The following KAT6A variants were observed in gnomAD, a reference collection of about 807,000 sequenced individuals.
KAT6A encodes histone acetyltransferase KAT6A.
Under a neutral mutation model 198.4 loss-of-function variants are expected in KAT6A, and 9 were observed. The observed-to-expected ratio is 0.05, with a 90% CI of 0.03 to 0.08. KAT6A has a LOEUF of 0.08. Ranked by LOEUF, KAT6A falls within the 10% of genes least tolerant of loss-of-function variation. KAT6A has a pLI of 1.00. For missense variants in KAT6A, 2,077 were observed against 2,509.9 expected, an observed-to-expected ratio of 0.83 and a Z score of 3.69; for synonymous variants, 890 against 883.0, an observed-to-expected ratio of 1.01 and a Z score of -0.14.
intron 15 of KAT6A, among the ~76,000 whole-genome samples, chr8:41,940,175 C>T (rs1587717769): frequency 6.6e-6 from 1 of 152,248 alleles, no homozygotes; most frequent in African/African-American, 2.4e-5. Flanking sequence ...TTAAAATCCA[C>T]TCCATAGCCT....
chr8:42,045,875 C>T (rs574200158), intron 2 of KAT6A, among the ~76,000 whole-genome samples: 1 of 151,092 alleles, frequency 6.6e-6, no homozygotes, highest in African/African-American at 2.4e-5. Flanking sequence ...ATCCCAGCTA[C>T]TCAGGAGGTT....
intron 12 of KAT6A, 61 bp from the exon 13 acceptor site, chr8:41,944,040 A>C: frequency 9.1e-7 from 1 of 1,101,058 alleles, no homozygotes; most frequent in Non-Finnish European, 1.4e-6. Flanking sequence ...AACTGGATTC[A>C]CCAAAATAAC....
Position 41,931,271 on chromosome 8 carries a change from G to C in KAT6A, c.*934C>G, listed in dbSNP as rs934589356. On this transcript the variant is annotated 3_prime_UTR_variant, in exon 17 of 17. Transcript: ENST00000265713. ...TACTAGAAACAAGAGGCTGGGTGGC[G>C]TGTGTGTGCGTTATGGCTGATTCAC... 6 of 219,680 alleles carry C rather than the reference G, an allele frequency of 2.7e-5. No homozygotes were observed. The highest frequency in any genetic ancestry group is 6.7e-5 in the African/African-American group (3 of 44,482). 13.6% of individuals were successfully genotyped at this position (219,680 alleles called of 1,614,324 possible). A position where few individuals can be genotyped will look rare whatever the true frequency, so the allele number is the denominator to read the frequency against.
chr8:41,985,806 T>C (rs1351127993), intron 3 of KAT6A, among the ~76,000 whole-genome samples: 2 of 152,224 alleles, frequency 1.3e-5, no homozygotes, highest in African/African-American at 4.8e-5. Context: ...TCTTGAAGTA[T>C]GTAGTGTGGT....
intron 3 of KAT6A, among the ~76,000 whole-genome samples, chr8:41,985,546 G>A (rs577097982): frequency 2.0e-5 from 3 of 152,218 alleles, no homozygotes; most frequent in Non-Finnish European, 2.9e-5. Context: ...CTTCTCCCTC[G>A]TAGGTATCTA....
chr8:41,980,621 TGCCTAGATA>T (rs1477629992), intron 5 of KAT6A, among the ~76,000 whole-genome samples: 2 of 152,210 alleles, frequency 1.3e-5, no homozygotes, highest in African/African-American at 4.8e-5. Context: ...CATTGATGGA[TGCCTAGATA>T]TTGAAAATAA....
intron 2 of KAT6A, among the ~76,000 whole-genome samples, chr8:42,029,447 A>G (rs1826998849): frequency 6.6e-6 from 1 of 152,004 alleles, no homozygotes; most frequent in Admixed American, 6.5e-5. Context: ...CATATGTCAC[A>G]TATGCTTTCT....
intron 2 of KAT6A, among the ~76,000 whole-genome samples, chr8:42,012,146 C>CTT (rs2150909360): frequency 6.6e-6 from 1 of 152,252 alleles, no homozygotes; most frequent in Admixed American, 6.5e-5. Flanking sequence ...TCATACATAG[C>CTT]TGGTAAGCAT....
Position 41,941,256 on chromosome 8 carries a change from G to T in KAT6A, c.2625C>A (p.Thr875=), listed in dbSNP as rs1407772451. 3 of 1,613,934 alleles carry T rather than the reference G, an allele frequency of 1.9e-6. No individual in the cohort carries two copies. Among genetic ancestry groups the T allele is most frequent in the African/African-American group, 2.7e-5 (2 of 74,882 alleles). The part of the protein sequence containing the change: ...RGRWGRKNRK[T]QERFGDKDSK... ...AATCTTTATCACCAAAACGTTCCTG[G>T]GTTTTTCTGTTCTTCCTCCCCCAGC... is the stretch of plus-strand genomic sequence containing the variant. Residue 875 remains threonine (T), a synonymous_variant, in exon 15 of 17, where the codon ACC becomes ACA. Transcript: ENST00000265713.
In KAT6A at chr8:42,026,520, T is replaced by C. The variant is rs142967429; in HGVS notation, c.600+21858A>G. ...AAATTTATAACTAGGTTTTGTGTGA[T>C]TGTCTTGGTAGCTTTGTAAGTGGGA... On this transcript the variant is annotated intron_variant, in intron 2 of 16. Coordinates refer to ENST00000265713, the MANE Select transcript of KAT6A (RefSeq NM_006766.5). Among the ~76,000 whole-genome samples the C allele has an allele frequency of 3.9e-5, 6 of 152,306 alleles. No individual in the cohort carries two copies. In the East Asian group the frequency reaches 7.7e-4, roughly 20 times the overall value.
At chr8:41,967,251 G>A (rs976665083) in intron 8 of KAT6A, among the ~76,000 whole-genome samples, 1 of 106,364 alleles carries the variant, frequency 9.4e-6, no homozygotes, top group African/African-American at 3.9e-5. Flanking sequence ...ATACAAACGC[G>A]TCTTTCTTTT....
At chr8:41,938,525 G>A (rs968092168) in intron 15 of KAT6A, among the ~76,000 whole-genome samples, 8 of 152,172 alleles carry the variant, frequency 5.3e-5, no homozygotes, top group Admixed American at 4.6e-4. Flanking sequence ...CTGGTCCTTG[G>A]AGAAAAGGCT....
chr8:41,960,629 A>G (rs1357693225), intron 8 of KAT6A, among the ~76,000 whole-genome samples: 1 of 150,464 alleles, frequency 6.6e-6, no homozygotes, highest in Non-Finnish European at 1.5e-5. Context: ...ATTGTGACCT[A>G]TCTTTCCCTT....
At chr8:41,991,212 CATA>C (rs1824929634) in intron 2 of KAT6A, among the ~76,000 whole-genome samples, 1 of 152,032 alleles carries the variant, frequency 6.6e-6, no homozygotes. Context: ...CAGCATTATT[CATA>C]ATAATACATT....
intron 2 of KAT6A, among the ~76,000 whole-genome samples, chr8:42,047,057 C>T (rs756384184): frequency 6.6e-6 from 1 of 152,138 alleles, no homozygotes; most frequent in Non-Finnish European, 1.5e-5. Context: ...ATCAAATCTC[C>T]AATTTTCAAA....
intron 2 of KAT6A, among the ~76,000 whole-genome samples, chr8:41,995,528 A>C (rs1251157327): frequency 6.6e-6 from 1 of 152,124 alleles, no homozygotes; most frequent in Non-Finnish European, 1.5e-5. Flanking sequence ...GAACAGTAAA[A>C]ATTTTGCCCA....
chr8:42,015,795 T>C (rs544810295), intron 2 of KAT6A, among the ~76,000 whole-genome samples: 1 of 152,242 alleles, frequency 6.6e-6, no homozygotes, highest in Non-Finnish European at 1.5e-5. Context: ...GAACATCAAT[T>C]TATCTATTCC....
chr8:42,024,335 T>C (rs781781286), intron 2 of KAT6A, among the ~76,000 whole-genome samples: 21 of 152,212 alleles, frequency 1.4e-4, no homozygotes, highest in South Asian at 4.1e-4. Context: ...ATATTCATAA[T>C]TGTACATCTT....
At chr8:42,012,445 T>C (rs1182374476) in intron 2 of KAT6A, among the ~76,000 whole-genome samples, 1 of 152,152 alleles carries the variant, frequency 6.6e-6, no homozygotes, top group Non-Finnish European at 1.5e-5. Context: ...TTGTGACAAG[T>C]GTCCCTAGAG....
Sources: gnomAD v4.1 joint callset for allele counts (sites outside exome capture counted in the v4.1 genomes callset) on GRCh38, gnomAD v4.1.1 for gene constraint, MANE v1.5 for transcripts, NCBI Gene and HGNC (gene_info 2026-07-23, HGNC 2026-07-21) for gene names.